Variants in BDH1 observed in about 807,000 individuals in gnomAD.
The protein encoded by BDH1 is D-beta-hydroxybutyrate dehydrogenase, mitochondrial.
In BDH1, 30 loss-of-function variants were observed where a neutral mutation model predicts 33.1. The observed-to-expected ratio is 0.91, with a 90% CI of 0.68 to 1.23. BDH1 has a LOEUF of 1.23. Ranked by LOEUF, BDH1 falls within the 50% of genes most tolerant of loss-of-function variation. BDH1 has a pLI of 0.00. For missense variants in BDH1, 443 were observed against 464.4 expected (o/e 0.95, Z 0.42); for synonymous variants, 190 against 183.6 (o/e 1.03, Z -0.28).
At chr3:197,533,466 C>T (rs753845778) in intron 4 of BDH1, 23 bp downstream of exon 4, 11 of 1,612,964 alleles carry the variant, frequency 6.8e-6, no homozygotes, top group Admixed American at 3.3e-5. Flanking sequence ...AACTGGCTCC[C>T]GGGTAGCTGG....
chr3:197,539,514 G>C (rs1029681358), intron 3 of BDH1, among the ~76,000 whole-genome samples: 4 of 152,192 alleles, frequency 2.6e-5, no homozygotes, highest in Admixed American at 6.5e-5. Flanking sequence ...GGATCAGACT[G>C]TCTTTGTAGG....
At chr3:197,565,823 A>T (rs1013639723) in intron 1 of BDH1, among the ~76,000 whole-genome samples, 23 of 152,338 alleles carry the variant, frequency 1.5e-4, no homozygotes, top group African/African-American at 4.8e-4. Flanking sequence ...GTGTTCCTAG[A>T]TGCAAGTTTC....
rs1713642022 is a variant in BDH1, at chr3:197,522,336, C to A, written c.409+304G>T. Among the ~76,000 whole-genome samples, 2 of 152,184 alleles carry A rather than the reference C, an allele frequency of 1.3e-5. No homozygotes were observed. On this transcript the variant is annotated intron_variant, in intron 6 of 7. Transcript: ENST00000392379. This position sits in a 1 kb window ranked among gnomAD's most constrained non-coding sequence, Gnocchi z 4.8. The stretch of plus-strand genomic sequence containing the variant: ...GCCTTGACCATCTTTGTGTCCCTGG[C>A]ACCCAACCCAGCTCCTGGGCCAGAG...
At chr3:197,552,837 A>G (rs1716680018) in intron 2 of BDH1, among the ~76,000 whole-genome samples, 1 of 151,920 alleles carries the variant, frequency 6.6e-6, no homozygotes, top group East Asian at 1.9e-4. Flanking sequence ...GCTCTTTGAG[A>G]ACAGGAATTT....
At chr3:197,555,055 G>T (rs1441976611) in intron 1 of BDH1, among the ~76,000 whole-genome samples, 2 of 152,238 alleles carry the variant, frequency 1.3e-5, no homozygotes, top group African/African-American at 4.8e-5. Flanking sequence ...GTCCTCGCGC[G>T]GGTGCGCCGC....
At chr3:197,548,576 C>G (rs1399760319) in intron 2 of BDH1, among the ~76,000 whole-genome samples, 1 of 151,984 alleles carries the variant, frequency 6.6e-6, no homozygotes, top group Non-Finnish European at 1.5e-5. Flanking sequence ...CTTGGCCAGG[C>G]GTGGTGGCTC....
chr3:197,536,980 A>G (rs777195605), intron 3 of BDH1, among the ~76,000 whole-genome samples: 1 of 151,898 alleles, frequency 6.6e-6, no homozygotes, highest in South Asian at 2.1e-4. Flanking sequence ...GTTTTGTTTT[A>G]TTTTATTTCA....
Position 197,523,132 on chromosome 3 carries a change from G to A in BDH1, c.268-351C>T, listed in dbSNP as rs144123393. 2.2e-5 allele frequency: 6 copies of A among 267,356 alleles called. No homozygotes were observed. Among genetic ancestry groups the A allele is most frequent in the South Asian group, 1.7e-4 (1 of 6,030 alleles). 16.6% of individuals were successfully genotyped at this position (267,356 alleles called of 1,614,324 possible). ...TGTCAGGAATTACCACGTGGGGATGGAAACCCAGGGTTGCCAGATGCTTAC... is the reference window on the plus strand; with the variant it reads ...TGTCAGGAATTACCACGTGGGGATGAAAACCCAGGGTTGCCAGATGCTTAC... On this transcript the variant is annotated intron_variant, in intron 5 of 7. Coordinates refer to ENST00000392379, the MANE Select transcript of BDH1 (RefSeq NM_203314.3). The surrounding 1 kb of genome is among the most constrained non-coding windows in gnomAD (Gnocchi z 4.5).
At chr3:197,564,715 C>T (rs2567338) in intron 1 of BDH1, among the ~76,000 whole-genome samples, 30,501 of 151,988 alleles carry the variant, frequency 0.2, 3,139 homozygotes, top group Non-Finnish European at 0.21. Flanking sequence ...TCATTAATGT[C>T]AAAGGCACAC....
chr3:197,514,449 A>T lies in BDH1; in HGVS notation c.410-33T>A. 1 of 1,549,466 alleles carries T rather than the reference A, an allele frequency of 6.5e-7. No homozygotes were observed. The highest frequency in any genetic ancestry group is 8.7e-7 in the Non-Finnish European group (1 of 1,143,892). On this transcript the variant is annotated intron_variant, in intron 6 of 7. Coordinates refer to ENST00000392379, the MANE Select transcript of BDH1 (RefSeq NM_203314.3). The surrounding 1 kb of genome is among the most constrained non-coding windows in gnomAD (Gnocchi z 4.2). ...GGAGAGGGATAGATGTGCATTTACCACATGGGCTTGGCCCAGACATTGCCC... is the reference window on the plus strand; with the variant it reads ...GGAGAGGGATAGATGTGCATTTACCTCATGGGCTTGGCCCAGACATTGCCC...
intron 5 of BDH1, among the ~76,000 whole-genome samples, chr3:197,531,254 G>T (rs1714615050): frequency 6.6e-6 from 1 of 151,632 alleles, no homozygotes; most frequent in African/African-American, 2.4e-5. Flanking sequence ...AAATTAGGTG[G>T]GCATGGTGGC....
At chr3:197,535,892 A>C (rs944900340) in intron 3 of BDH1, among the ~76,000 whole-genome samples, 11 of 152,068 alleles carry the variant, frequency 7.2e-5, no homozygotes, top group Non-Finnish European at 5.9e-5. Flanking sequence ...AAAAAATACG[A>C]AAATTAGTCA....
At chr3:197,571,830 AGATGGGAGGATCACTT>A (rs1272725275) in intron 1 of BDH1, among the ~76,000 whole-genome samples, 2 of 152,244 alleles carry the variant, frequency 1.3e-5, no homozygotes, top group Non-Finnish European at 2.9e-5. Context: ...TGGGAGAACA[AGATGGGAGGATCACTT>A]GACCCTAGGA....
chr3:197,535,176 G>A (rs1299279290), intron 3 of BDH1, among the ~76,000 whole-genome samples: 2 of 152,218 alleles, frequency 1.3e-5, no homozygotes, highest in East Asian at 3.8e-4. Context: ...ACAGGAATTT[G>A]AGGAGAATGC....
intron 2 of BDH1, among the ~76,000 whole-genome samples, chr3:197,548,139 G>C (rs1054054953): frequency 6.6e-6 from 1 of 152,204 alleles, no homozygotes; most frequent in African/African-American, 2.4e-5. Context: ...GGCAGTCTGG[G>C]GGTGGAAAGT....
chr3:197,569,787 A>G (rs1580025184), intron 1 of BDH1, among the ~76,000 whole-genome samples: 1 of 152,170 alleles, frequency 6.6e-6, no homozygotes, highest in East Asian at 1.9e-4. Flanking sequence ...TTCTTTATAA[A>G]TTACTCAGTC....
At chr3:197,560,007 C>T (rs1482220658), upstream of BDH1, among the ~76,000 whole-genome samples, 1 of 152,240 alleles carries the variant, frequency 6.6e-6, no homozygotes, top group Non-Finnish European at 1.5e-5. Context: ...GGTACAAGGC[C>T]TCAGGCCAGG....
chr3:197,568,291 GTTT>G (rs561555919), intron 1 of BDH1, among the ~76,000 whole-genome samples: 1 of 148,688 alleles, frequency 6.7e-6, no homozygotes, highest in African/African-American at 2.5e-5. Flanking sequence ...AGTTTTGTGG[GTTT>G]TTTTTTTTTG....
Position 197,514,452 on chromosome 3 carries a change from T to A in BDH1, c.410-36A>T, listed in dbSNP as rs541513338. On this transcript the variant is annotated intron_variant, in intron 6 of 7. Transcript: ENST00000392379. The surrounding 1 kb of genome is among the most constrained non-coding windows in gnomAD (Gnocchi z 4.2). ...GAGGGATAGATGTGCATTTACCACA[T>A]GGGCTTGGCCCAGACATTGCCCATC... The A allele has an allele frequency of 3.7e-5, 57 of 1,548,370 alleles. 2 individuals are homozygous for A. In the South Asian group the frequency reaches 6.7e-4, roughly 18 times the overall value.
Sources: allele counts gnomAD v4.1 joint callset (sites outside exome capture counted in the v4.1 genomes callset), GRCh38; gene constraint gnomAD v4.1.1; non-coding constraint Gnocchi (gnomAD v3.1); transcripts MANE v1.5; gene names NCBI Gene and HGNC (gene_info 2026-07-23, HGNC 2026-07-21).